The following ZFHX3 variants were observed in gnomAD, a reference collection of about 807,000 sequenced individuals.
The protein encoded by ZFHX3 is zinc finger homeobox 3, also known as zinc finger homeobox protein 3.
A neutral mutation model predicts 279.1 loss-of-function variants in ZFHX3; 42 were observed. The ratio of observed to expected loss-of-function variants is 0.15; its 90% CI spans 0.12 to 0.19. The LOEUF (loss-of-function observed/expected upper bound fraction) is 0.19, where lower values mean the gene tolerates loss of function less well. Among genes scored for constraint, ZFHX3 ranks in the 10% least tolerant of loss-of-function variants. The pLI is 1.00. For missense variants in ZFHX3, 4,981 were observed against 4,754.0 expected (o/e 1.05, Z -1.40); for synonymous variants, 2,293 against 1,957.8 (o/e 1.17, Z -4.52).
chr16:73,780,795 A>G (rs1461840926), intron 1 of ZFHX3, among the ~76,000 whole-genome samples: 1 of 152,076 alleles, frequency 6.6e-6, no homozygotes, highest in African/African-American at 2.4e-5. Flanking sequence ...ATTTCTTTCC[A>G]TTTGTGAATA....
At chr16:73,646,069 G>A (rs1439888435) in intron 2 of ZFHX3, among the ~76,000 whole-genome samples, 5 of 152,160 alleles carry the variant, frequency 3.3e-5, no homozygotes, top group Non-Finnish European at 7.3e-5. Context: ...GACTAAAAAT[G>A]TGACCATATA....
rs113984668 is a variant in ZFHX3, at chr16:73,423,650, T to C, written c.-1291+32353A>G. ...GCCGAGGCAGGTAGATCACCTAAGGTCAGGAGTTTGAGAGCAGCCTGGCCA... is the reference window on the plus strand; with the variant it reads ...GCCGAGGCAGGTAGATCACCTAAGGCCAGGAGTTTGAGAGCAGCCTGGCCA... On this transcript the variant is annotated intron_variant, in intron 3 of 17. Coordinates refer to the ZFHX3 transcript ENST00000641206. 4.8e-3 allele frequency among the ~76,000 whole-genome samples: 730 copies of C among 152,192 alleles called. 7 individuals carry two copies. The highest frequency in any genetic ancestry group is 0.017 in the African/African-American group (704 of 41,518).
At chr16:72,910,131 C>G (rs897091996) in intron 3 of ZFHX3, among the ~76,000 whole-genome samples, 3 of 152,164 alleles carry the variant, frequency 2.0e-5, no homozygotes, top group Non-Finnish European at 4.4e-5. Context: ...AATACCACCA[C>G]AGGAATAAGG....
chr16:73,862,885 A>G (rs759258849), intron 1 of ZFHX3, among the ~76,000 whole-genome samples: 1 of 152,176 alleles, frequency 6.6e-6, no homozygotes, highest in Non-Finnish European at 1.5e-5. Flanking sequence ...TATCTCCAGA[A>G]GATTCGTGGT....
intron 5 of ZFHX3, among the ~76,000 whole-genome samples, chr16:73,190,165 A>T (rs1967998526): frequency 6.6e-6 from 1 of 152,200 alleles, no homozygotes; most frequent in Non-Finnish European, 1.5e-5. Flanking sequence ...TAAGGAACGC[A>T]CCTTTGGAAG....
intron 2 of ZFHX3, among the ~76,000 whole-genome samples, chr16:73,460,965 T>A (rs2018461429): frequency 6.6e-6 from 1 of 152,238 alleles, no homozygotes; most frequent in Non-Finnish European, 1.5e-5. Flanking sequence ...GCTGCAGAAC[T>A]GTGAGCCAAT....
intron 3 of ZFHX3, among the ~76,000 whole-genome samples, chr16:73,355,163 T>C (rs186902878): frequency 9.8e-5 from 15 of 152,322 alleles, no homozygotes; most frequent in Admixed American, 7.8e-4. Context: ...TCCATCTTTG[T>C]GGAGAGTGCA....
At chr16:73,183,844 AC>A (rs1311734711) in intron 5 of ZFHX3, among the ~76,000 whole-genome samples, 1 of 151,796 alleles carries the variant, frequency 6.6e-6, no homozygotes, top group Non-Finnish European at 1.5e-5. Flanking sequence ...GCTCCTGCGA[AC>A]CGTGGGGGCG....
chr16:72,793,442 C>T lies in ZFHX3; in HGVS notation c.9240G>A (p.Glu3080=). ...ATVRQLMAQQ[E]LDRIKKANEV... ...CGTTGGCCTTTTTAATCCGGTCCAA[C>T]TCTTGTTGAGCCATCAACTGACGTA... is the stretch of plus-strand genomic sequence containing the variant. Residue 3080 remains glutamate (E), a synonymous_variant, in exon 9 of 10, where the codon GAG becomes GAA. Transcript: ENST00000268489. The surrounding 1 kb of genome is among the most constrained non-coding windows in gnomAD (Gnocchi z 4.3). The T allele has an allele frequency of 6.2e-7, 1 of 1,614,220 alleles. No homozygotes were observed. The highest frequency in any genetic ancestry group is 8.5e-7 in the Non-Finnish European group (1 of 1,180,032).
chr16:73,862,247 A>T (rs1470259370), intron 1 of ZFHX3, among the ~76,000 whole-genome samples: 2 of 152,212 alleles, frequency 1.3e-5, no homozygotes, highest in African/African-American at 4.8e-5. Context: ...TGGAAGCCCA[A>T]CTTGGGCTTC....
chr16:73,480,011 T>A (rs2143623237), intron 2 of ZFHX3, among the ~76,000 whole-genome samples: 1 of 152,344 alleles, frequency 6.6e-6, no homozygotes, highest in South Asian at 2.1e-4. Flanking sequence ...GGGGACCTGA[T>A]GCCGGTTTTG....
intron 2 of ZFHX3, among the ~76,000 whole-genome samples, chr16:73,505,452 T>C (rs968213012): frequency 6.6e-6 from 1 of 152,010 alleles, no homozygotes. Context: ...CCTGGTTTGA[T>C]TACAAAGTAA....
In ZFHX3 at chr16:73,327,746, T is replaced by A. The variant is rs369150502; in HGVS notation, c.-1290-9410A>T. Among the ~76,000 whole-genome samples the A allele has an allele frequency of 1.8e-4, 27 of 152,352 alleles. No homozygotes were observed. The South Asian group carries it at 5.2e-3, about 29-fold the overall frequency. On this transcript the variant is annotated intron_variant, in intron 3 of 17. Transcript: ENST00000641206. Reference sequence around the variant, plus strand: ...TATGTTGAGTTGCCCTGGAATAGAATCTTTGTGATTGATGACAACTGCAAT... The same window carrying A: ...TATGTTGAGTTGCCCTGGAATAGAAACTTTGTGATTGATGACAACTGCAAT...
chr16:73,122,597 A>G lies in ZFHX3; in HGVS notation c.-897+8371T>C, dbSNP rs114216542. On this transcript the variant is annotated intron_variant, in intron 7 of 17. Transcript: ENST00000641206. ...GTGTCTCTAGGCCACCACGGGGTGC[A>G]GTGACCAACTTGGGGGGCCATCAGG... is the stretch of plus-strand genomic sequence containing the variant. Among the ~76,000 whole-genome samples the G allele has an allele frequency of 4.7e-3, 710 of 152,262 alleles. 3 individuals are homozygous for G. Among genetic ancestry groups the G allele is most frequent in the African/African-American group, 0.017 (690 of 41,560 alleles).
upstream of ZFHX3, among the ~76,000 whole-genome samples, chr16:73,052,254 T>C (rs370075993): frequency 2.0e-5 from 3 of 151,750 alleles, no homozygotes; most frequent in Non-Finnish European, 2.9e-5. Flanking sequence ...CATTCCATAG[T>C]ATGTACCAAA....
chr16:73,482,868 C>T (rs1269341306), intron 2 of ZFHX3, among the ~76,000 whole-genome samples: 1 of 152,142 alleles, frequency 6.6e-6, no homozygotes, highest in African/African-American at 2.4e-5. Context: ...TTTAACAAAA[C>T]AACACAAAAG....
At chr16:73,371,173 G>C (rs761713401) in intron 3 of ZFHX3, among the ~76,000 whole-genome samples, 1 of 151,570 alleles carries the variant, frequency 6.6e-6, no homozygotes, top group African/African-American at 2.4e-5. Flanking sequence ...AATATGTGGT[G>C]GTGCGTGCCT....
intron 6 of ZFHX3, among the ~76,000 whole-genome samples, chr16:73,142,937 C>T (rs1259254679): frequency 1.3e-5 from 2 of 152,152 alleles, no homozygotes; most frequent in African/African-American, 4.8e-5. Context: ...CAAAGCTGCT[C>T]CTAATCCCCA....
At chr16:73,783,891 G>A (rs956020415) in intron 1 of ZFHX3, among the ~76,000 whole-genome samples, 5 of 152,098 alleles carry the variant, frequency 3.3e-5, no homozygotes, top group African/African-American at 1.2e-4. Flanking sequence ...ACCTCACCCT[G>A]GACTCTACCT....
Sources: allele counts gnomAD v4.1 joint callset (sites outside exome capture counted in the v4.1 genomes callset), GRCh38; gene constraint gnomAD v4.1.1; non-coding constraint Gnocchi (gnomAD v3.1); transcripts MANE v1.5; gene names NCBI Gene and HGNC (gene_info 2026-07-23, HGNC 2026-07-21).